CACNA2D1: variants seen among roughly 807,000 people sequenced by gnomAD.
The protein encoded by CACNA2D1 is voltage-dependent calcium channel subunit alpha-2/delta-1.
CACNA2D1 carries 53 observed loss-of-function variants against 171.5 expected under a neutral mutation model. That is an observed-to-expected ratio of 0.31 (90% CI 0.25 to 0.39). The LOEUF is 0.39. Among genes scored for constraint, CACNA2D1 ranks in the 10% least tolerant of loss-of-function variants. The probability of loss-of-function intolerance (pLI) is 1.00; values close to 1 mark genes in which losing one functional copy is unlikely to be tolerated. For missense variants in CACNA2D1, 903 were observed against 1,299.8 expected (o/e 0.69, Z 4.69); for synonymous variants, 442 against 443.1 (o/e 1.00, Z 0.03).
intron 3 of CACNA2D1, among the ~76,000 whole-genome samples, chr7:82,249,142 A>T (rs1366757156): frequency 6.6e-6 from 1 of 152,118 alleles, no homozygotes; most frequent in African/African-American, 2.4e-5. Flanking sequence ...GCCCTCTTAA[A>T]ATTCAACATA....
At chr7:82,087,882 T>C (rs892177923) in intron 6 of CACNA2D1, among the ~76,000 whole-genome samples, 1 of 152,144 alleles carries the variant, frequency 6.6e-6, no homozygotes, top group Non-Finnish European at 1.5e-5. Flanking sequence ...TAACACTAAA[T>C]GCACAATACC....
At position 82,344,893 on chromosome 7, in the gene CACNA2D1, A is replaced by T. The variant is rs953246724; in HGVS notation, c.177+4675T>A. Among the ~76,000 whole-genome samples the T allele has an allele frequency of 2.6e-5, 4 of 152,330 alleles. No individual in the cohort carries two copies. The East Asian group carries it at 7.7e-4, about 29-fold the overall frequency. On this transcript the variant is annotated intron_variant, in intron 2 of 38. Coordinates refer to ENST00000356860, the MANE Select transcript of CACNA2D1 (RefSeq NM_000722.4). ...TTGTTTATTTAAAGTGAGAAAGCACATAACTTCTTTAAAATTTTATATTGC... is the reference window on the plus strand; with the variant it reads ...TTGTTTATTTAAAGTGAGAAAGCACTTAACTTCTTTAAAATTTTATATTGC...
At chr7:82,007,254 T>C (rs1471089481) in intron 16 of CACNA2D1, among the ~76,000 whole-genome samples, 2 of 152,158 alleles carry the variant, frequency 1.3e-5, no homozygotes, top group African/African-American at 2.4e-5. Context: ...TAAAAAGCTA[T>C]TGTTTGGGAG....
At chr7:82,150,276 C>T (rs78333860) in intron 4 of CACNA2D1, among the ~76,000 whole-genome samples, 2 of 76,986 alleles carry the variant, frequency 2.6e-5, no homozygotes, top group South Asian at 8.0e-4. Flanking sequence ...AAAACAAAAA[C>T]AACAACAAAA....
chr7:82,070,142 G>C (rs900239161), intron 7 of CACNA2D1, among the ~76,000 whole-genome samples: 7 of 152,072 alleles, frequency 4.6e-5, no homozygotes, highest in Non-Finnish European at 7.4e-5. Flanking sequence ...TCCCAGAATG[G>C]ATCCTCCACA....
At chr7:81,997,408 A>G (rs563170959) in intron 18 of CACNA2D1, among the ~76,000 whole-genome samples, 158 bp from the exon 19 acceptor site, 1 of 150,992 alleles carries the variant, frequency 6.6e-6, no homozygotes, top group African/African-American at 2.4e-5. Context: ...ATATATATAT[A>G]TAGCTTATAT....
intron 3 of CACNA2D1, among the ~76,000 whole-genome samples, chr7:82,227,702 T>C (rs527341750): frequency 9.2e-4 from 140 of 152,318 alleles, no homozygotes; most frequent in Non-Finnish European, 1.6e-3. Context: ...AAACCATTGT[T>C]TGAAACCTTA....
intron 4 of CACNA2D1, among the ~76,000 whole-genome samples, chr7:82,137,029 G>T (rs183864048): frequency 5.3e-5 from 8 of 152,136 alleles, no homozygotes; most frequent in Non-Finnish European, 8.8e-5. Flanking sequence ...TGTAAGATAC[G>T]TGTCTTAATA....
At chr7:82,275,260 A>C (rs1369951847) in intron 3 of CACNA2D1, among the ~76,000 whole-genome samples, 1 of 152,212 alleles carries the variant, frequency 6.6e-6, no homozygotes, top group Non-Finnish European at 1.5e-5. Flanking sequence ...CCTAAAAAAG[A>C]ACTGGAAACA....
intron 18 of CACNA2D1, among the ~76,000 whole-genome samples, chr7:81,998,992 A>G (rs1798322415): frequency 1.3e-5 from 2 of 152,150 alleles, no homozygotes; most frequent in Admixed American, 6.5e-5. Flanking sequence ...TCATATCAGC[A>G]TTAAAATTTT....
intron 3 of CACNA2D1, among the ~76,000 whole-genome samples, chr7:82,194,464 C>G: frequency 6.6e-6 from 1 of 151,812 alleles, no homozygotes. Context: ...TATGTAAATA[C>G]CAAGCAAGAG....
At position 81,948,627 on chromosome 7, in the gene CACNA2D1, G is replaced by A. The variant is rs1040708649; in HGVS notation, c.*1765C>T. The A allele has an allele frequency of 1.3e-5, 2 of 151,754 alleles. No homozygotes were observed. Among genetic ancestry groups the A allele is most frequent in the African/African-American group, 4.8e-5 (2 of 41,384 alleles). The allele number at this position is 151,754 out of a possible 1,614,324, so 9.4% of individuals were successfully genotyped here. Reference sequence around the variant, plus strand: ...TATGTGGAGCATATTAAAGCATGCTGGATAATGTTAATAACTTTGACTTAA... The same window carrying A: ...TATGTGGAGCATATTAAAGCATGCTAGATAATGTTAATAACTTTGACTTAA... On this transcript the variant is annotated 3_prime_UTR_variant, in exon 39 of 39. Transcript: ENST00000356860.
intron 3 of CACNA2D1, among the ~76,000 whole-genome samples, chr7:82,223,453 T>C (rs367904979): frequency 6.6e-6 from 1 of 152,190 alleles, no homozygotes; most frequent in Non-Finnish European, 1.5e-5. Flanking sequence ...GCAAAGCGAT[T>C]GACATACAGG....
At chr7:82,034,431 C>A (rs1803060677) in intron 11 of CACNA2D1, among the ~76,000 whole-genome samples, 1 of 151,962 alleles carries the variant, frequency 6.6e-6, no homozygotes, top group South Asian at 2.1e-4. Context: ...ATTCCATGGA[C>A]TCAGCCATTA....
intron 3 of CACNA2D1, among the ~76,000 whole-genome samples, chr7:82,290,281 G>A (rs1811353015): frequency 6.6e-6 from 1 of 152,104 alleles, no homozygotes; most frequent in African/African-American, 2.4e-5. Context: ...GGAGGTAAAG[G>A]AGGAGGAGGC....
chr7:82,398,458 ACATATC>A (rs1825975297), intron 1 of CACNA2D1, among the ~76,000 whole-genome samples: 2 of 152,338 alleles, frequency 1.3e-5, no homozygotes, highest in South Asian at 4.1e-4. Flanking sequence ...ACTCACACTA[ACATATC>A]CACAGAATTG....
At chr7:82,141,348 C>G (rs1211370946) in intron 4 of CACNA2D1, among the ~76,000 whole-genome samples, 1 of 150,672 alleles carries the variant, frequency 6.6e-6, no homozygotes, top group Non-Finnish European at 1.5e-5. Flanking sequence ...GAATTCTGTG[C>G]TAATAGAAAA....
At chr7:82,092,410 C>G (rs1035175761) in intron 6 of CACNA2D1, among the ~76,000 whole-genome samples, 2 of 151,666 alleles carry the variant, frequency 1.3e-5, no homozygotes, top group African/African-American at 4.8e-5. Flanking sequence ...CTCATTCTGT[C>G]GCCCAGGCTG....
chr7:82,105,098 T>C (rs1055202120), intron 6 of CACNA2D1, among the ~76,000 whole-genome samples: 8 of 143,598 alleles, frequency 5.6e-5, no homozygotes, highest in Non-Finnish European at 7.7e-5. Flanking sequence ...TTTTAAAATA[T>C]GGTAATTATT....
Sources: allele counts gnomAD v4.1 joint callset (sites outside exome capture counted in the v4.1 genomes callset), GRCh38; gene constraint gnomAD v4.1.1; transcripts MANE v1.5; gene names NCBI Gene and HGNC (gene_info 2026-07-23, HGNC 2026-07-21).